NPLOC4: variants seen among roughly 807,000 people sequenced by gnomAD.
The protein encoded by NPLOC4 is NPL4 homolog, ubiquitin recognition factor.
Under a neutral mutation model 80.6 loss-of-function variants are expected in NPLOC4, and 18 were observed. The observed-to-expected ratio is 0.22, with a 90% confidence interval of 0.15 to 0.33. The LOEUF is 0.33. Among genes scored for constraint, NPLOC4 ranks in the 10% least tolerant of loss-of-function variants. NPLOC4 has a pLI of 1.00. For missense variants in NPLOC4, 540 were observed against 786.1 expected, an observed-to-expected ratio of 0.69 and a Z score of 3.74; for synonymous variants, 313 against 301.5, an observed-to-expected ratio of 1.04 and a Z score of -0.39.
chr17:81,594,700 G>A (rs1257462324), intron 11 of NPLOC4, among the ~76,000 whole-genome samples: 4 of 152,158 alleles, frequency 2.6e-5, no homozygotes, highest in East Asian at 1.9e-4. Context: ...GCGTGAACCC[G>A]GGAGGTGGAA....
At position 81,597,256 on chromosome 17, in the gene NPLOC4, T is replaced by G; in HGVS notation, c.982A>C (p.Ser328Arg). 3 of 1,613,542 alleles carry G rather than the reference T, an allele frequency of 1.9e-6. No homozygotes were observed. The highest frequency in any genetic ancestry group is 2.5e-6 in the Non-Finnish European group (3 of 1,179,498). ...TGTCTCCACCTCACCTTATTTCGAC[T>G]GTAGCGGACGGTACCCTTTCGGGTA... Reference protein sequence around the residue: ...EDTRKGTVRYSRNKDTYFLSS... With the variant: ...EDTRKGTVRYRRNKDTYFLSS... The change falls in exon 10 of 17, where the codon AGT (serine) becomes CGT (arginine). Residue 328 changes from serine to arginine, a missense_variant. Physicochemically the swap from Ser to Arg is moderately radical, Grantham distance 110. This residue lies in a region of NPLOC4 where 251 missense variants were observed against 377.5 expected (regional missense o/e 0.66). Transcript: ENST00000331134.
intron 3 of NPLOC4, 145 bp downstream of exon 3, chr17:81,622,021 C>G: frequency 1.6e-6 from 1 of 629,126 alleles, no homozygotes; most frequent in Middle Eastern, 4.2e-4. Flanking sequence ...TCCTGGCAAG[C>G]AACACGGTCA....
intron 1 of NPLOC4, 54 bp downstream of exon 1, chr17:81,636,862 C>G: frequency 7.2e-7 from 1 of 1,390,502 alleles, no homozygotes; most frequent in Non-Finnish European, 9.4e-7. Context: ...CCGAGGCCGG[C>G]AAATCTGCTG....
At chr17:81,627,228 A>G (rs1051728003) in intron 2 of NPLOC4, among the ~76,000 whole-genome samples, 1 of 148,674 alleles carries the variant, frequency 6.7e-6, no homozygotes, top group Non-Finnish European at 1.5e-5. Context: ...ATCTCTACTA[A>G]AAACACAAAA....
At chr17:81,594,315 T>G (rs2034836045) in intron 11 of NPLOC4, among the ~76,000 whole-genome samples, 1 of 135,316 alleles carries the variant, frequency 7.4e-6, no homozygotes, top group African/African-American at 2.8e-5. Context: ...CTGACTCAAC[T>G]AATTCACTTG....
intron 4 of NPLOC4, among the ~76,000 whole-genome samples, chr17:81,611,376 G>A (rs1165934910): frequency 6.6e-6 from 1 of 150,970 alleles, no homozygotes; most frequent in Non-Finnish European, 1.5e-5. Flanking sequence ...CTGAGACGGA[G>A]TTTCACTCTG....
chr17:81,590,078 A>C (rs2034697198), intron 11 of NPLOC4, among the ~76,000 whole-genome samples: 1 of 152,204 alleles, frequency 6.6e-6, no homozygotes. Context: ...ATACAAATCC[A>C]GTCATGGTAT....
chr17:81,597,211 T>C lies in NPLOC4; in HGVS notation c.993+34A>G, dbSNP rs754736192. Reference sequence around the variant, plus strand: ...GCCAACACCATCTGTAACCAAGCCATAGGGCCACACGCACAGTCCTGTCTC... The same window carrying C: ...GCCAACACCATCTGTAACCAAGCCACAGGGCCACACGCACAGTCCTGTCTC... On this transcript the variant is annotated intron_variant, in intron 10 of 16. Coordinates refer to ENST00000331134, the MANE Select transcript of NPLOC4 (RefSeq NM_017921.4). 12 of 1,570,008 alleles carry C rather than the reference T, an allele frequency of 7.6e-6. No individual in the cohort carries two copies. The African/African-American group carries it at 9.4e-5, about 12-fold the overall frequency.
chr17:81,633,852 C>A (rs1041278922), intron 1 of NPLOC4, among the ~76,000 whole-genome samples: 7 of 150,076 alleles, frequency 4.7e-5, no homozygotes, highest in Non-Finnish European at 1.0e-4. Flanking sequence ...ATTATAGGCG[C>A]CCGCCACCGC....
rs2034195444 is a variant in NPLOC4 at position 81,572,763 on chromosome 17, T to C, written c.1282-675A>G. Among the ~76,000 whole-genome samples, 1 of 152,234 alleles carries C rather than the reference T, an allele frequency of 6.6e-6. No homozygotes were observed. Among genetic ancestry groups the C allele is most frequent in the Non-Finnish European group, 1.5e-5 (1 of 68,034 alleles). ...TTCCCCTCAGGTTGGACCTGTGCCCTGTCTATCCTCCAAAAGCACATGAAT... is the reference window on the plus strand; with the variant it reads ...TTCCCCTCAGGTTGGACCTGTGCCCCGTCTATCCTCCAAAAGCACATGAAT... On this transcript the variant is annotated intron_variant, in intron 12 of 16. Transcript: ENST00000331134. The surrounding 1 kb of genome is among the most constrained non-coding windows in gnomAD (Gnocchi z 4.5).
chr17:81,624,584 C>A (rs1263367094), intron 2 of NPLOC4, among the ~76,000 whole-genome samples: 1 of 151,712 alleles, frequency 6.6e-6, no homozygotes, highest in African/African-American at 2.4e-5. Context: ...GGCAACGGAA[C>A]AAGACTCCAC....
At chr17:81,628,787 A>C (rs1357605161) in intron 2 of NPLOC4, among the ~76,000 whole-genome samples, 1 of 152,090 alleles carries the variant, frequency 6.6e-6, no homozygotes, top group African/African-American at 2.4e-5. Flanking sequence ...AAAAAGAAAA[A>C]CTGTCATGGG....
intron 12 of NPLOC4, among the ~76,000 whole-genome samples, chr17:81,579,575 C>T (rs2034385434): frequency 2.0e-5 from 3 of 152,046 alleles, no homozygotes; most frequent in Admixed American, 1.3e-4. Context: ...ACCTGCATCC[C>T]ATCGCTCCTG....
rs1184581090 is a variant in NPLOC4, at chr17:81,631,435, TA to T, written c.16-1631del. Among the ~76,000 whole-genome samples, 62 of 46,540 alleles carry T rather than the reference TA, an allele frequency of 1.3e-3. 1 individual carries two copies. Among genetic ancestry groups the T allele is most frequent in the East Asian group, 0.028 (1 of 36 alleles). The allele number at this position is 46,540 out of a possible 152,430, so 30.5% of individuals were successfully genotyped here. A position where few individuals can be genotyped will look rare whatever the true frequency, so the allele number is the denominator to read the frequency against. ...ATTAAAGTGTACATATATATATATA[TA>T]TTTTTTTTTTTTTTTTTTTTTTTTT... On this transcript the variant is annotated intron_variant, in intron 1 of 16. Transcript: ENST00000331134.
chr17:81,583,222 A>C (rs1420100722), intron 12 of NPLOC4, among the ~76,000 whole-genome samples: 1 of 152,272 alleles, frequency 6.6e-6, no homozygotes, highest in African/African-American at 2.4e-5. Flanking sequence ...ATATACAAAG[A>C]TGTCACAGGA....
chr17:81,568,408 AG>A (rs2034071138), intron 14 of NPLOC4, among the ~76,000 whole-genome samples: 1 of 152,278 alleles, frequency 6.6e-6, no homozygotes, highest in Admixed American at 6.5e-5. Flanking sequence ...ATCAAAGCAT[AG>A]AAGAAGCTTT....
Position 81,559,427 on chromosome 17 carries a change from G to C in NPLOC4, c.1670-11C>G, listed in dbSNP as rs765659882. 6.2e-7 allele frequency: 1 copy of C among 1,605,650 alleles called. No homozygotes were observed. The highest frequency in any genetic ancestry group is 1.7e-5 in the Admixed American group (1 of 58,896). ...GCCCGCCAACTGTGCCTGCAGGGTG[G>C]AAGAGAAATGAGCACTCATCATTTC... On this transcript the variant is annotated splice_polypyrimidine_tract_variant and intron_variant, in intron 16 of 16. Transcript: ENST00000331134.
chr17:81,636,908 G>A lies in NPLOC4; in HGVS notation c.15+8C>T, dbSNP rs1296189529. Reference sequence around the variant, plus strand: ...GCGTCCCCGCTCCCGCCCGGCCGCCGCACTCACGATGCTCTCGGCCATGGC... The same window carrying A: ...GCGTCCCCGCTCCCGCCCGGCCGCCACACTCACGATGCTCTCGGCCATGGC... On this transcript the variant is annotated splice_region_variant and intron_variant, in intron 1 of 16. Coordinates refer to ENST00000331134, the MANE Select transcript of NPLOC4 (RefSeq NM_017921.4). The A allele has an allele frequency of 2.8e-6, 4 of 1,407,168 alleles. No individual in the cohort carries two copies. Among genetic ancestry groups the A allele is most frequent in the South Asian group, 1.5e-5 (1 of 65,854 alleles). The allele number at this position is 1,407,168 out of a possible 1,614,324, so 87.2% of individuals were successfully genotyped here. A position where few individuals can be genotyped will look rare whatever the true frequency, so the allele number is the denominator to read the frequency against.
intron 7 of NPLOC4, among the ~76,000 whole-genome samples, chr17:81,605,638 ACT>A (rs1184819412): frequency 6.8e-6 from 1 of 147,366 alleles, no homozygotes; most frequent in Non-Finnish European, 1.5e-5. Context: ...ACGGAGTGAG[ACT>A]CTGTCTCAAA....
Sources: gnomAD v4.1 joint callset for allele counts (sites outside exome capture counted in the v4.1 genomes callset) on GRCh38, gnomAD v4.1.1 for gene constraint, gnomAD v4.1.1 regional missense constraint, Gnocchi (gnomAD v3.1) non-coding constraint, MANE v1.5 for transcripts, NCBI Gene and HGNC (gene_info 2026-07-23, HGNC 2026-07-21) for gene names.